ELFN1: variants seen among roughly 807,000 people sequenced by gnomAD.
The protein encoded by ELFN1 is protein ELFN1.
A neutral mutation model predicts 7.6 loss-of-function variants in ELFN1; 6 were observed. The observed-to-expected ratio is 0.79, with a 90% CI of 0.43 to 1.56. The LOEUF is 1.56. Among genes scored for constraint, ELFN1 ranks in the 40% most tolerant of loss-of-function variants. ELFN1 has a pLI of 0.01. For synonymous variants in ELFN1, 657 were observed against 588.1 expected, an observed-to-expected ratio of 1.12 and a Z score of -1.70; for missense variants, 1,169 against 1,232.2, an observed-to-expected ratio of 0.95 and a Z score of 0.77.
rs1296268503 is a variant in ELFN1 at position 1,673,556 on chromosome 7, C to T, written c.-549+3202C>T. Among the ~76,000 whole-genome samples the T allele has an allele frequency of 1.3e-5, 2 of 152,216 alleles. No homozygotes were observed. Among genetic ancestry groups the T allele is most frequent in the South Asian group, 2.1e-4 (1 of 4,812 alleles). On this transcript the variant is annotated intron_variant, in intron 1 of 3. Coordinates refer to ENST00000424383, the MANE Select transcript of ELFN1 (RefSeq NM_001128636.4). This position sits in a 1 kb window ranked among gnomAD's most constrained non-coding sequence, Gnocchi z 4.7. ...GGATTGAGACCTGGTTCTGTCCCAC[C>T]TCTTCCAGCCTCCTGGGGAGGGAGG... is the stretch of plus-strand genomic sequence containing the variant.
chr7:1,712,917 G>A (rs540070907), intron 3 of ELFN1, among the ~76,000 whole-genome samples: 5 of 152,164 alleles, frequency 3.3e-5, no homozygotes, highest in African/African-American at 7.2e-5. Context: ...GGAGGGAAGC[G>A]TTCAGTGGGA....
In ELFN1 at chr7:1,747,522, G is replaced by C. The variant is rs1780841400; in HGVS notation, c.*439G>C. 6.0e-6 allele frequency: 1 copy of C among 165,676 alleles called. No homozygotes were observed. The highest frequency in any genetic ancestry group is 2.1e-4 in the South Asian group (1 of 4,840). The allele number at this position is 165,676 out of a possible 1,614,324, so 10.3% of individuals were successfully genotyped here. On this transcript the variant is annotated 3_prime_UTR_variant, in exon 4 of 4. Coordinates refer to ENST00000424383, the MANE Select transcript of ELFN1 (RefSeq NM_001128636.4). ...AAAAGACATAAAATGCCATCCGTGG[G>C]GGGTGTGGCCGGCGTGGCCACCTCG...
chr7:1,727,212 G>A (rs992930000), intron 3 of ELFN1, among the ~76,000 whole-genome samples: 6 of 152,220 alleles, frequency 3.9e-5, no homozygotes, highest in Admixed American at 2.0e-4. Context: ...CACGAGGGGG[G>A]TGGAGATGGT....
rs369260620 is a variant in ELFN1, at chr7:1,716,916, G to A, written c.-294+7664G>A. Among the ~76,000 whole-genome samples, 664 of 152,276 alleles carry A rather than the reference G, an allele frequency of 4.4e-3. 4 individuals carry two copies. The highest frequency in any genetic ancestry group is 0.014 in the Middle Eastern group (4 of 294). ...TGCAGGGGCCAGGGCGCAGGCAGCCGGCATGGGGCATGGGAGCCAGAGGGA... is the reference window on the plus strand; with the variant it reads ...TGCAGGGGCCAGGGCGCAGGCAGCCAGCATGGGGCATGGGAGCCAGAGGGA... On this transcript the variant is annotated intron_variant, in intron 3 of 3. Transcript: ENST00000424383.
Position 1,746,078 on chromosome 7 carries a change from G to A in ELFN1, c.1482G>A (p.Val494=). The A allele has an allele frequency of 6.5e-7, 1 of 1,547,270 alleles. No individual in the cohort carries two copies. The highest frequency in any genetic ancestry group is 8.7e-7 in the Non-Finnish European group (1 of 1,145,364). Residue 494 remains valine, a synonymous_variant, in exon 4 of 4, where the codon GTG becomes GTA. Transcript: ENST00000424383. ...SQGPLLGPEA[V]TRIPYLPAAG... is the part of the protein sequence containing the mutation. ...GCCCGCTGCTGGGCCCCGAGGCCGT[G>A]ACGCGCATCCCTTACCTGCCTGCGG...
intron 3 of ELFN1, among the ~76,000 whole-genome samples, chr7:1,733,390 T>C (rs1272142523): frequency 6.6e-6 from 1 of 151,944 alleles, no homozygotes; most frequent in African/African-American, 2.4e-5. Context: ...CTGATGGGCG[T>C]GGGGACAGCA....
At chr7:1,713,339 G>A (rs1488003750) in intron 3 of ELFN1, among the ~76,000 whole-genome samples, 1 of 152,236 alleles carries the variant, frequency 6.6e-6, no homozygotes, top group African/African-American at 2.4e-5. Flanking sequence ...CCTGGCTCCT[G>A]TGCGGTCTGA....
At chr7:1,713,448 G>C (rs1253725874) in intron 3 of ELFN1, among the ~76,000 whole-genome samples, 1 of 152,158 alleles carries the variant, frequency 6.6e-6, no homozygotes, top group Non-Finnish European at 1.5e-5. Flanking sequence ...GTCACTCAGC[G>C]AGTTGAAGTT....
chr7:1,702,771 G>A (rs1446572665), intron 2 of ELFN1, among the ~76,000 whole-genome samples: 1 of 151,336 alleles, frequency 6.6e-6, no homozygotes, highest in African/African-American at 2.5e-5. Context: ...AATAGCGAGA[G>A]CTTCGTTTCT....
intron 3 of ELFN1, among the ~76,000 whole-genome samples, chr7:1,722,933 G>A (rs762187362): frequency 9.9e-5 from 15 of 152,032 alleles, no homozygotes; most frequent in Non-Finnish European, 1.8e-4. Flanking sequence ...GGTGGCTCAC[G>A]CCTGTAATCC....
chr7:1,674,887 C>G (rs1775467610), intron 1 of ELFN1, among the ~76,000 whole-genome samples: 1 of 152,142 alleles, frequency 6.6e-6, no homozygotes, highest in African/African-American at 2.4e-5. Flanking sequence ...ATCACCAGGT[C>G]CACTGTGTTT....
intron 3 of ELFN1, among the ~76,000 whole-genome samples, chr7:1,719,231 A>G (rs949060258): frequency 2.0e-5 from 2 of 101,992 alleles, no homozygotes; most frequent in African/African-American, 9.7e-5. Context: ...ACAGGACCCA[A>G]GCCACCAACA....
chr7:1,698,033 T>G (rs1479315528), intron 2 of ELFN1, among the ~76,000 whole-genome samples: 2 of 152,222 alleles, frequency 1.3e-5, no homozygotes, highest in Non-Finnish European at 2.9e-5. Context: ...CATCAGACTT[T>G]CTTTTCTCTT....
chr7:1,688,686 A>G (rs11974934), intron 2 of ELFN1, among the ~76,000 whole-genome samples: 80 of 152,246 alleles, frequency 5.3e-4, no homozygotes, highest in African/African-American at 1.7e-3. Context: ...ATACAGAGAG[A>G]TCTCATGTAC....
At chr7:1,677,420 G>A (rs907112876) in intron 1 of ELFN1, among the ~76,000 whole-genome samples, 5 of 152,210 alleles carry the variant, frequency 3.3e-5, no homozygotes, top group African/African-American at 1.2e-4. Flanking sequence ...GTGGCTCTGG[G>A]TGCAGATGGG....
chr7:1,702,847 C>T (rs1378017815), intron 2 of ELFN1, among the ~76,000 whole-genome samples: 1 of 151,276 alleles, frequency 6.6e-6, no homozygotes, highest in Non-Finnish European at 1.5e-5. Context: ...CAGCTACTAG[C>T]ACCATGCTGA....
rs1204359060 is a variant in ELFN1, at chr7:1,744,881, G to A, written c.285G>A (p.Glu95=). The change falls in exon 4 of 4, where the codon GAG becomes GAA. Residue 95 remains glutamate, a synonymous_variant. Coordinates refer to ENST00000424383, the MANE Select transcript of ELFN1 (RefSeq NM_001128636.4). ...NLTYLNLTKN[E]IGYIEDGAFS... is the part of the protein sequence containing the mutation. ...CGTACCTCAACCTCACCAAGAACGA[G>A]ATCGGCTACATCGAGGACGGCGCCT... is the stretch of plus-strand genomic sequence containing the variant. 6.4e-7 allele frequency: 1 copy of A among 1,568,058 alleles called. No individual in the cohort carries two copies. The highest frequency in any genetic ancestry group is 8.7e-7 in the Non-Finnish European group (1 of 1,155,774).
chr7:1,683,628 G>A (rs977239839), intron 1 of ELFN1, among the ~76,000 whole-genome samples: 1 of 152,222 alleles, frequency 6.6e-6, no homozygotes, highest in African/African-American at 2.4e-5. Flanking sequence ...CAGTTATTGA[G>A]AGGGAGTGGA....
chr7:1,697,533 C>T (rs927675506), intron 2 of ELFN1, among the ~76,000 whole-genome samples: 2 of 152,238 alleles, frequency 1.3e-5, no homozygotes, highest in Admixed American at 6.5e-5. Context: ...TCTGGGTTCC[C>T]AGCTTCCCAC....
Sources: gnomAD v4.1 joint callset for allele counts (sites outside exome capture counted in the v4.1 genomes callset) on GRCh38, gnomAD v4.1.1 for gene constraint, Gnocchi (gnomAD v3.1) non-coding constraint, MANE v1.5 for transcripts, NCBI Gene and HGNC (gene_info 2026-07-23, HGNC 2026-07-21) for gene names.